CHRNA5: variants seen among roughly 807,000 people sequenced by gnomAD.
CHRNA5 encodes the protein cholinergic receptor nicotinic alpha 5 subunit.
A neutral mutation model predicts 41.2 loss-of-function variants in CHRNA5; 28 were observed. That is an observed-to-expected ratio of 0.68 (90% CI 0.50 to 0.93). The LOEUF (loss-of-function observed/expected upper bound fraction) is 0.93. Ranked by LOEUF, CHRNA5 falls within the 40% of genes least tolerant of loss-of-function variation. The pLI is 0.00. For missense variants in CHRNA5, 481 were observed against 581.9 expected, an observed-to-expected ratio of 0.83 and a Z score of 1.78; for synonymous variants, 188 against 205.8, an observed-to-expected ratio of 0.91 and a Z score of 0.74.
chr15:78,571,906 G>A (rs750848611), intron 1 of CHRNA5, among the ~76,000 whole-genome samples: 3 of 151,860 alleles, frequency 2.0e-5, no homozygotes, highest in Non-Finnish European at 2.9e-5. Context: ...ATTTTCCCTC[G>A]TTTACAAAAT....
chr15:78,591,543 T>C (rs1242666334), intron 5 of CHRNA5, among the ~76,000 whole-genome samples: 1 of 152,200 alleles, frequency 6.6e-6, no homozygotes, highest in East Asian at 1.9e-4. Context: ...AATTATAATC[T>C]GTAAAGCTAT....
At chr15:78,572,884 T>C (rs1465140319) in intron 1 of CHRNA5, among the ~76,000 whole-genome samples, 1 of 152,190 alleles carries the variant, frequency 6.6e-6, no homozygotes, top group Non-Finnish European at 1.5e-5. Flanking sequence ...CACGTCAAAC[T>C]TAATGGTTAC....
chr15:78,583,457 G>A (rs1043687196), intron 2 of CHRNA5, among the ~76,000 whole-genome samples: 9 of 152,140 alleles, frequency 5.9e-5, no homozygotes, highest in Non-Finnish European at 1.5e-5. Context: ...ACTTTGGGAG[G>A]CCGAGGCAGG....
chr15:78,581,359 A>G (rs778780690), intron 2 of CHRNA5, among the ~76,000 whole-genome samples: 1 of 152,242 alleles, frequency 6.6e-6, no homozygotes, highest in Non-Finnish European at 1.5e-5. Flanking sequence ...AAGTATCACA[A>G]GAGATCATTA....
intron 1 of CHRNA5, among the ~76,000 whole-genome samples, chr15:78,567,909 G>T (rs1476794591): frequency 6.6e-6 from 1 of 152,146 alleles, no homozygotes; most frequent in East Asian, 1.9e-4. Flanking sequence ...TACAACTGTC[G>T]TTCCATGTGG....
At chr15:78,575,571 G>A (rs1251965584) in intron 1 of CHRNA5, among the ~76,000 whole-genome samples, 1 of 152,174 alleles carries the variant, frequency 6.6e-6, no homozygotes, top group East Asian at 1.9e-4. Context: ...AATGCCACAA[G>A]CATATTCTTC....
exon 6 of CHRNA5, chr15:78,594,221 T>A (rs1318770782): frequency 6.6e-6 from 1 of 152,180 alleles, no homozygotes; most frequent in Non-Finnish European, 1.5e-5. Flanking sequence ...AGTAGACAAC[T>A]CCTGTGGACA....
At chr15:78,571,060 A>G (rs2052800225) in intron 1 of CHRNA5, among the ~76,000 whole-genome samples, 1 of 152,210 alleles carries the variant, frequency 6.6e-6, no homozygotes, top group Non-Finnish European at 1.5e-5. Context: ...TTCCCTCAGA[A>G]CGCAGATGCT....
At chr15:78,594,160 AATT>A (rs1179786546) in exon 6 of CHRNA5, 1 of 152,234 alleles carries the variant, frequency 6.6e-6, no homozygotes, top group Non-Finnish European at 1.5e-5. Context: ...TTAGATGCTT[AATT>A]ATTGTGTTAA....
exon 3 of CHRNA5, chr15:78,586,659 G>C: frequency 6.3e-7 from 1 of 1,596,564 alleles, no homozygotes; most frequent in Non-Finnish European, 8.5e-7. Context: ...AGAAAAATCA[G>C]TTAATGACAA....
At chr15:78,586,545 G>A (rs78060596) in intron 2 of CHRNA5, 100 bp from the exon 3 acceptor site, 25 of 702,240 alleles carry the variant, frequency 3.6e-5, no homozygotes, top group Admixed American at 3.0e-4. Flanking sequence ...TGGGTACTAT[G>A]TGAAGAAGAG....
Position 78,588,410 on chromosome 15 carries a change from G to A in CHRNA5, c.400G>A (p.Val134Ile), listed in dbSNP as rs2229961. ...AGACTCTGTCTGGACACCAGACATC[G>A]TTTTGTTTGATAAGTAAGTTATATT... The change falls in exon 4 of 6, where the codon GTT (valine) becomes ATT (isoleucine). Residue 134 changes from valine to isoleucine, a missense_variant. Physicochemically the swap from Val to Ile is conservative, Grantham distance 29 (BLOSUM62 3). Coordinates refer to ENST00000299565, the Ensembl canonical transcript of CHRNA5. This position sits in a 1 kb window ranked among gnomAD's most constrained non-coding sequence, Gnocchi z 4.1. 0.015 allele frequency: 21,933 copies of A among 1,501,350 alleles called. 219 individuals are homozygous for A. Among genetic ancestry groups the A allele is most frequent in the South Asian group, 0.018 (1,388 of 77,098 alleles). 93.0% of individuals were successfully genotyped at this position (1,501,350 alleles called of 1,614,324 possible).
chr15:78,592,657 A>T (rs1211689485), intron 5 of CHRNA5, among the ~76,000 whole-genome samples: 4 of 152,242 alleles, frequency 2.6e-5, no homozygotes, highest in African/African-American at 9.6e-5. Flanking sequence ...GAGGAAGATG[A>T]ACAGCTTTCT....
intron 2 of CHRNA5, among the ~76,000 whole-genome samples, chr15:78,584,803 G>T (rs1174617751): frequency 1.3e-5 from 2 of 152,192 alleles, no homozygotes; most frequent in African/African-American, 4.8e-5. Context: ...GGCATATTCA[G>T]ATACAGGGAT....
At chr15:78,578,396 T>C (rs1393542831) in intron 1 of CHRNA5, among the ~76,000 whole-genome samples, 1 of 152,174 alleles carries the variant, frequency 6.6e-6, no homozygotes, top group Non-Finnish European at 1.5e-5. Flanking sequence ...TGGTCCCTGC[T>C]GTTCGGGAGG....
chr15:78,582,201 G>C (rs2052918738), intron 2 of CHRNA5, among the ~76,000 whole-genome samples: 7 of 152,102 alleles, frequency 4.6e-5, no homozygotes, highest in Admixed American at 4.6e-4. Context: ...AAAGTAAGGT[G>C]GTAGCCAGGT....
intron 4 of CHRNA5, chr15:78,589,540 T>C (rs1335344744): frequency 2.7e-6 from 1 of 370,588 alleles, no homozygotes. Flanking sequence ...TTTTCAATCA[T>C]TAGAATCTCA....
intron 1 of CHRNA5, among the ~76,000 whole-genome samples, chr15:78,570,227 G>A (rs568365885): frequency 6.6e-6 from 1 of 151,766 alleles, no homozygotes; most frequent in Admixed American, 6.6e-5. Context: ...TCTCCTTTGA[G>A]GAAACATGAT....
At chr15:78,578,125 T>C (rs2052875772) in intron 1 of CHRNA5, among the ~76,000 whole-genome samples, 1 of 152,170 alleles carries the variant, frequency 6.6e-6, no homozygotes, top group Non-Finnish European at 1.5e-5. Context: ...AATCTAAATA[T>C]CTTCAATGCT....
Sources: allele counts gnomAD v4.1 joint callset (sites outside exome capture counted in the v4.1 genomes callset), GRCh38; gene constraint gnomAD v4.1.1; non-coding constraint Gnocchi (gnomAD v3.1); transcripts MANE v1.5; gene names NCBI Gene and HGNC (gene_info 2026-07-23, HGNC 2026-07-21).